Variants in TPTE observed in about 807,000 individuals in gnomAD.
TPTE encodes putative tyrosine-protein phosphatase TPTE.
Under a neutral mutation model 84.1 loss-of-function variants are expected in TPTE, and 59 were observed. That is an observed-to-expected ratio of 0.70 (90% CI 0.57 to 0.87). TPTE has a LOEUF of 0.87. Ranked by LOEUF, TPTE falls within the 40% of genes least tolerant of loss-of-function variation. TPTE has a pLI of 0.00. For synonymous variants in TPTE, 130 were observed against 223.5 expected, an observed-to-expected ratio of 0.58 and a Z score of 3.73; for missense variants, 382 against 659.6, an observed-to-expected ratio of 0.58 and a Z score of 4.61.
At chr21:10,523,128 T>G (rs1249247029) in intron 1 of TPTE, among the ~76,000 whole-genome samples, 1 of 152,300 alleles carries the variant, frequency 6.6e-6, no homozygotes, top group Non-Finnish European at 1.5e-5. Context: ...TGATGTAAAC[T>G]TCTTCATCAG....
Position 10,540,853 on chromosome 21 carries a change from C to A in TPTE, c.12-259C>A, listed in dbSNP as rs559575609. On this transcript the variant is annotated intron_variant, in intron 4 of 23. Coordinates refer to ENST00000618007, the MANE Select transcript of TPTE (RefSeq NM_199261.4). ...TAGAATTAAATGCTCTCCAAAAATG[C>A]TGTTACACCTTGAGGTGTAGATACC... is the stretch of plus-strand genomic sequence containing the variant. The A allele has an allele frequency of 1.9e-4, 115 of 616,272 alleles. No individual in the cohort carries two copies. The African/African-American group carries it at 2.1e-3, about 11-fold the overall frequency. The allele number at this position is 616,272 out of a possible 1,614,324, so 38.2% of individuals were successfully genotyped here. A position where few individuals can be genotyped will look rare whatever the true frequency, so the allele number is the denominator to read the frequency against.
chr21:10,564,731 C>G (rs1452570093), intron 10 of TPTE, among the ~76,000 whole-genome samples: 1 of 152,310 alleles, frequency 6.6e-6, no homozygotes. Context: ...ATTATATCCA[C>G]ACAGTAAAGG....
At chr21:10,566,153 ACT>A (rs1219325413) in intron 10 of TPTE, among the ~76,000 whole-genome samples, 2 of 152,308 alleles carry the variant, frequency 1.3e-5, no homozygotes, top group African/African-American at 4.8e-5. Flanking sequence ...AGCTCAAACA[ACT>A]CTCTAGGAAA....
chr21:10,555,398 GAGTTTCACCA>G (rs2074661799), intron 8 of TPTE, among the ~76,000 whole-genome samples: 2 of 152,298 alleles, frequency 1.3e-5, no homozygotes, highest in African/African-American at 4.8e-5. Flanking sequence ...AGTAGAGATG[GAGTTTCACCA>G]CGTTGGCCAG....
At chr21:10,552,420 G>C (rs117639691) in intron 7 of TPTE, among the ~76,000 whole-genome samples, 1,837 of 144,582 alleles carry the variant, frequency 0.013, no homozygotes, top group South Asian at 0.063. Flanking sequence ...AAGAGACAGA[G>C]AGAGAAAAGA....
Position 10,603,544 on chromosome 21 carries a change from A to AT in TPTE, c.1450-9dup, listed in dbSNP as rs567555180. 383 of 1,599,528 alleles carry AT rather than the reference A, an allele frequency of 2.4e-4. No homozygotes were observed. Among genetic ancestry groups the AT allele is most frequent in the African/African-American group, 1.4e-3 (100 of 74,052 alleles). The stretch of plus-strand genomic sequence containing the variant: ...TTCTTGGTATCAGTTTTACTTTGAA[A>AT]TTTTTTTTTCTTTTTAGAATCTTCC... On this transcript the variant is annotated splice_polypyrimidine_tract_variant and intron_variant, in intron 22 of 23. Transcript: ENST00000618007.
At chr21:10,530,557 C>A (rs543892949) in intron 3 of TPTE, among the ~76,000 whole-genome samples, 1 of 152,304 alleles carries the variant, frequency 6.6e-6, no homozygotes, top group Non-Finnish European at 1.5e-5. Flanking sequence ...GCACAGCATG[C>A]ATCCCCTAGT....
In TPTE at chr21:10,569,490, A is replaced by T. The variant is rs148306452; in HGVS notation, c.620A>T (p.His207Leu). ...CTTATTATTCTGTTAAGAATTTTTC[A>T]TCTGTTTCATCAAAAAAGACAACTT... ...LRLIILLRIF[H>L]LFHQKRQLEK... Residue 207 changes from histidine to leucine, a missense_variant, in exon 12 of 24, where the codon CAT (histidine) becomes CTT (leucine). Transcript: ENST00000618007. 2.5e-6 allele frequency: 4 copies of T among 1,613,816 alleles called. No individual in the cohort carries two copies. In the Admixed American group the frequency reaches 6.7e-5, roughly 27 times the overall value.
At chr21:10,545,096 G>A (rs534821191) in intron 7 of TPTE, among the ~76,000 whole-genome samples, 383 of 152,252 alleles carry the variant, frequency 2.5e-3, no homozygotes, top group African/African-American at 9.0e-3. Context: ...AGGATAACAT[G>A]TGGAGTCTTG....
chr21:10,588,618 TTTTCTC>T (rs2075410141), intron 17 of TPTE, among the ~76,000 whole-genome samples: 1 of 152,310 alleles, frequency 6.6e-6, no homozygotes, highest in Non-Finnish European at 1.5e-5. Flanking sequence ...GCTGTTTTCT[TTTTCTC>T]TTTCTCTCTA....
At chr21:10,547,019 CTT>C (rs539937064) in intron 7 of TPTE, among the ~76,000 whole-genome samples, 76 of 152,392 alleles carry the variant, frequency 5.0e-4, no homozygotes, top group African/African-American at 1.7e-3. Flanking sequence ...CCATCTAGGA[CTT>C]TTATATTTAG....
intron 8 of TPTE, among the ~76,000 whole-genome samples, chr21:10,558,953 T>C (rs1293433236): frequency 6.6e-6 from 1 of 152,312 alleles, no homozygotes; most frequent in Non-Finnish European, 1.5e-5. Flanking sequence ...GAAGTATATC[T>C]TACTAAAATG....
intron 7 of TPTE, among the ~76,000 whole-genome samples, chr21:10,544,631 G>T (rs1231822835): frequency 2.0e-5 from 3 of 152,302 alleles, no homozygotes; most frequent in African/African-American, 7.2e-5. Flanking sequence ...TGATCCACCC[G>T]CCTCAGCCTC....
intron 19 of TPTE, among the ~76,000 whole-genome samples, chr21:10,593,782 GTGAGAGCGGGT>G (rs1180838535): frequency 2.0e-5 from 3 of 152,272 alleles, no homozygotes. Context: ...TGAAACCGAA[GTGAGAGCGGGT>G]TGGGAATTTC....
intron 3 of TPTE, among the ~76,000 whole-genome samples, chr21:10,530,858 T>C (rs2074165323): frequency 6.6e-6 from 1 of 152,310 alleles, no homozygotes; most frequent in South Asian, 2.1e-4. Context: ...ATCAGTCTAA[T>C]AGATGGTAAC....
rs2074485736 is a variant in TPTE at position 10,547,258 on chromosome 21, A to G, written c.173+3876A>G. On this transcript the variant is annotated intron_variant, in intron 7 of 23. Coordinates refer to ENST00000618007, the MANE Select transcript of TPTE (RefSeq NM_199261.4). ...CCGAGGCAAGAAATACACATCTGAGATTTGATTAGAGTATCAAAGGGATAG... is the reference window on the plus strand; with the variant it reads ...CCGAGGCAAGAAATACACATCTGAGGTTTGATTAGAGTATCAAAGGGATAG... 2.0e-5 allele frequency among the ~76,000 whole-genome samples: 3 copies of G among 152,430 alleles called. No individual in the cohort carries two copies. In the South Asian group the frequency reaches 6.2e-4, roughly 32 times the overall value.
chr21:10,531,378 T>C (rs1380226648), intron 3 of TPTE, among the ~76,000 whole-genome samples: 1 of 152,312 alleles, frequency 6.6e-6, no homozygotes, highest in African/African-American at 2.4e-5. Context: ...GATTCCCCTC[T>C]TGCCATTTGA....
chr21:10,599,799 TTTAGTTAGTTAGTTAG>T (rs71217978), intron 21 of TPTE, among the ~76,000 whole-genome samples: 6 of 150,146 alleles, frequency 4.0e-5, no homozygotes, highest in Non-Finnish European at 8.9e-5. Flanking sequence ...ACAACTCTAA[TTTAGTTAGTTAGTTAG>T]TTAGTTAGTT....
chr21:10,574,756 A>G (rs2075117695), intron 14 of TPTE, among the ~76,000 whole-genome samples: 1 of 152,310 alleles, frequency 6.6e-6, no homozygotes, highest in African/African-American at 2.4e-5. Context: ...CTGCCCGGGA[A>G]ACCGTGTTTC....
Sources: gnomAD v4.1 joint callset for allele counts (sites outside exome capture counted in the v4.1 genomes callset) on GRCh38, gnomAD v4.1.1 for gene constraint, MANE v1.5 for transcripts, NCBI Gene and HGNC (gene_info 2026-07-23, HGNC 2026-07-21) for gene names.